The following PLG variants were observed in gnomAD, a reference collection of about 807,000 sequenced individuals.
PLG encodes the protein plasmin.
In PLG, 41 loss-of-function variants were observed where a neutral mutation model predicts 104.4. The ratio of observed to expected loss-of-function variants is 0.39; its 90% CI spans 0.31 to 0.51. PLG has a LOEUF of 0.51. PLG is among the 20% of genes least tolerant of loss of function. The pLI, the probability that PLG is intolerant of heterozygous loss-of-function variation, is 0.76. For missense variants in PLG, 891 were observed against 1,003.6 expected (o/e 0.89, Z 1.52); for synonymous variants, 337 against 357.1 (o/e 0.94, Z 0.63).
intron 9 of PLG, 26 bp from the exon 10 acceptor site, chr6:160,722,382 C>A: frequency 6.3e-7 from 1 of 1,585,436 alleles, no homozygotes; most frequent in Non-Finnish European, 8.7e-7. Context: ...AATTGTTAAG[C>A]TTGATTTCTT....
intron 4 of PLG, chr6:160,711,423 T>C (rs1582933570): frequency 2.7e-6 from 2 of 745,588 alleles, no homozygotes; most frequent in African/African-American, 1.8e-5. Flanking sequence ...ATTTGTATTA[T>C]GTTTTATTGT....
Position 160,731,616 on chromosome 6 carries a change from G to T in PLG, c.1439-129G>T. 1.1e-6 allele frequency: 1 copy of T among 877,622 alleles called. No individual in the cohort carries two copies. Among genetic ancestry groups the T allele is most frequent in the Non-Finnish European group, 1.9e-6 (1 of 522,126 alleles). The allele number at this position is 877,622 out of a possible 1,614,324, so 54.4% of individuals were successfully genotyped here. A position where few individuals can be genotyped will look rare whatever the true frequency, so the allele number is the denominator to read the frequency against. ...TAGGCAGCGTTCATTGCAGTCTTCAGCATTGCAGTTTCTGAGGAATGTGGC... is the reference window on the plus strand; with the variant it reads ...TAGGCAGCGTTCATTGCAGTCTTCATCATTGCAGTTTCTGAGGAATGTGGC... On this transcript the variant is annotated intron_variant, in intron 11 of 18. Transcript: ENST00000308192. This position sits in a 1 kb window ranked among gnomAD's most constrained non-coding sequence, Gnocchi z 5.1.
At position 160,748,942 on chromosome 6, in the gene PLG, C is replaced by T. The variant is rs536261258; in HGVS notation, c.2126-3173C>T. Reference sequence around the variant, plus strand: ...AAACCCGTCACTGATTAACTCCAACCTGCATCAGCTGTTCCATGCTGGAGG... The same window carrying T: ...AAACCCGTCACTGATTAACTCCAACTTGCATCAGCTGTTCCATGCTGGAGG... On this transcript the variant is annotated intron_variant, in intron 17 of 18. Transcript: ENST00000308192. 2.3e-4 allele frequency among the ~76,000 whole-genome samples: 35 copies of T among 152,326 alleles called. 1 individual carries two copies. In the South Asian group the frequency reaches 6.6e-3, roughly 29 times the overall value.
At position 160,709,373 on chromosome 6, in the gene PLG, T is replaced by C. The variant is rs546649790; in HGVS notation, c.292+1567T>C. Among the ~76,000 whole-genome samples, 3 of 152,308 alleles carry C rather than the reference T, an allele frequency of 2.0e-5. No homozygotes were observed. The South Asian group carries it at 6.2e-4, about 32-fold the overall frequency. On this transcript the variant is annotated intron_variant, in intron 3 of 18. Transcript: ENST00000308192. ...CCCTATCACCACTGGTTGGGGCTAC[T>C]TGTAGCTGTACACATGATCTCTAAG...
At chr6:160,718,549 G>A in intron 8 of PLG, 93 bp downstream of exon 8, 6 of 1,366,372 alleles carry the variant, frequency 4.4e-6, no homozygotes, top group Non-Finnish European at 6.3e-6. Context: ...GCAGGATAAA[G>A]TATTCTGGAA....
intron 17 of PLG, among the ~76,000 whole-genome samples, chr6:160,746,983 G>A (rs11966302): frequency 0.02 from 3,042 of 152,328 alleles, 121 homozygotes; most frequent in African/African-American, 0.07. Context: ...CAGCATTCCT[G>A]AGTATGCTTC....
chr6:160,731,314 TC>T lies in PLG; in HGVS notation c.1438+84del. The T allele has an allele frequency of 8.3e-7, 1 of 1,211,524 alleles. No homozygotes were observed. Among genetic ancestry groups the T allele is most frequent in the Non-Finnish European group, 1.2e-6 (1 of 817,264 alleles). 75.0% of individuals were successfully genotyped at this position (1,211,524 alleles called of 1,614,324 possible). On this transcript the variant is annotated intron_variant, in intron 11 of 18. Transcript: ENST00000308192. This position sits in a 1 kb window ranked among gnomAD's most constrained non-coding sequence, Gnocchi z 5.1. ...GAAAATCTCACTGATGCAGAAACCTTCCATGCTACACGAGAAATCAAGTGTT... is the reference window on the plus strand; with the variant it reads ...GAAAATCTCACTGATGCAGAAACCTTCATGCTACACGAGAAATCAAGTGTT...
chr6:160,717,418 G>A (rs753639931), intron 7 of PLG, among the ~76,000 whole-genome samples: 15 of 152,100 alleles, frequency 9.9e-5, no homozygotes, highest in Admixed American at 1.3e-4. Flanking sequence ...CTTTGAAAGC[G>A]GAAGTTCCTC....
rs562887454 is a variant in PLG at position 160,705,128 on chromosome 6, T to A, written c.50-1279T>A. The stretch of plus-strand genomic sequence containing the variant: ...TGGTCAAGGTTGTCCTGTTGTCTAA[T>A]TCCATGGAGCTTGCCTGTCTTCATT... On this transcript the variant is annotated intron_variant, in intron 1 of 18. Coordinates refer to ENST00000308192, the MANE Select transcript of PLG (RefSeq NM_000301.5). 2.0e-5 allele frequency among the ~76,000 whole-genome samples: 3 copies of A among 152,290 alleles called. No individual in the cohort carries two copies. The East Asian group carries it at 5.8e-4, about 29-fold the overall frequency.
intron 17 of PLG, among the ~76,000 whole-genome samples, chr6:160,748,435 A>AGG (rs1301021384): frequency 2.4e-5 from 2 of 82,268 alleles, no homozygotes; most frequent in African/African-American, 8.3e-5. Context: ...AGAGAACGAA[A>AGG]GAAAGAAGGG....
rs748980932 is a variant in PLG, at chr6:160,731,210, T to A, written c.1416T>A (p.Asp472Glu). 3.7e-5 allele frequency: 60 copies of A among 1,613,896 alleles called. 1 individual carries two copies. In the South Asian group the frequency reaches 3.7e-4, roughly 10 times the overall value. The change falls in exon 11 of 19, where the codon GAT (aspartate) becomes GAA (glutamate). Residue 472 changes from aspartate to glutamate, a missense_variant. Coordinates refer to ENST00000308192, the MANE Select transcript of PLG (RefSeq NM_000301.5). The surrounding 1 kb of genome is among the most constrained non-coding windows in gnomAD (Gnocchi z 5.1). ...VAPPPVVLLP[D>E]VETPSEEDCM... ...CTCCGCCTGTTGTCCTGCTTCCAGA[T>A]GTAGAGACTCCTTCCGAAGAAGGTA...
intron 10 of PLG, among the ~76,000 whole-genome samples, chr6:160,729,880 T>TA (rs1429932159): frequency 6.6e-6 from 1 of 152,228 alleles, no homozygotes; most frequent in African/African-American, 2.4e-5. Flanking sequence ...TCACACTATG[T>TA]AAAAGTATAC....
chr6:160,718,096 A>G (rs549341743), intron 7 of PLG, among the ~76,000 whole-genome samples, 198 bp from the exon 8 acceptor site: 1 of 152,218 alleles, frequency 6.6e-6, no homozygotes, highest in East Asian at 1.9e-4. Context: ...CTAAAAATAC[A>G]AAAAAATTAG....
intron 3 of PLG, among the ~76,000 whole-genome samples, chr6:160,709,707 G>C (rs1777601239): frequency 6.6e-6 from 1 of 152,110 alleles, no homozygotes; most frequent in South Asian, 2.1e-4. Context: ...AAAGTACCTT[G>C]AGTTTACACT....
chr6:160,732,856 G>A lies in PLG; in HGVS notation c.1587+963G>A, dbSNP rs1321658537. 2.0e-5 allele frequency among the ~76,000 whole-genome samples: 3 copies of A among 152,146 alleles called. No homozygotes were observed. The highest frequency in any genetic ancestry group is 4.4e-5 in the Non-Finnish European group (3 of 68,032). Reference sequence around the variant, plus strand: ...ACCCCAAGTGTTCAGCAACCCAGAAGCTCTCCAAGTGCAGTCTTGCTGGGT... The same window carrying A: ...ACCCCAAGTGTTCAGCAACCCAGAAACTCTCCAAGTGCAGTCTTGCTGGGT... On this transcript the variant is annotated intron_variant, in intron 12 of 18. Transcript: ENST00000308192. The surrounding 1 kb of genome is among the most constrained non-coding windows in gnomAD (Gnocchi z 4.5).
At chr6:160,743,279 TTCCAA>T (rs1778225313) in intron 17 of PLG, among the ~76,000 whole-genome samples, 2 of 152,250 alleles carry the variant, frequency 1.3e-5, no homozygotes, top group South Asian at 4.1e-4. Context: ...ATATTGATTC[TTCCAA>T]TCCATGAGCA....
At position 160,716,820 on chromosome 6, in the gene PLG, A is replaced by T. The variant is rs1011093175; in HGVS notation, c.787+57A>T. On this transcript the variant is annotated intron_variant, in intron 7 of 18. Coordinates refer to ENST00000308192, the MANE Select transcript of PLG (RefSeq NM_000301.5). ...TTGGACCTGCCCTGTTCTTGAAATC[A>T]AAAGAAAACATGTGTCAGTGCCTGA... 6.8e-6 allele frequency: 7 copies of T among 1,035,140 alleles called. No individual in the cohort carries two copies. The African/African-American group carries it at 1.1e-4, about 16-fold the overall frequency. The allele number at this position is 1,035,140 out of a possible 1,614,324, so 64.1% of individuals were successfully genotyped here.
At chr6:160,709,570 C>T (rs1424684978) in intron 3 of PLG, among the ~76,000 whole-genome samples, 1 of 152,188 alleles carries the variant, frequency 6.6e-6, no homozygotes, top group Non-Finnish European at 1.5e-5. Flanking sequence ...ACCCCAAGCA[C>T]ACACCCTCCT....
chr6:160,715,695 G>A (rs891463475), intron 6 of PLG, among the ~76,000 whole-genome samples: 4 of 151,622 alleles, frequency 2.6e-5, no homozygotes, highest in South Asian at 2.1e-4. Context: ...CAGATTCCAC[G>A]GTGGAAAGCA....
Sources: allele counts gnomAD v4.1 joint callset (sites outside exome capture counted in the v4.1 genomes callset), GRCh38; gene constraint gnomAD v4.1.1; non-coding constraint Gnocchi (gnomAD v3.1); transcripts MANE v1.5; gene names NCBI Gene and HGNC (gene_info 2026-07-23, HGNC 2026-07-21).